SGCD: variants seen among roughly 807,000 people sequenced by gnomAD.
SGCD encodes the protein sarcoglycan delta, also known as delta-sarcoglycan.
SGCD carries 18 observed loss-of-function variants against 36.6 expected under a neutral mutation model. The observed-to-expected ratio is 0.49, with a 90% confidence interval of 0.34 to 0.73. The LOEUF (loss-of-function observed/expected upper bound fraction) is 0.73, where lower values mean the gene tolerates loss of function less well. SGCD is among the 30% of genes least tolerant of loss of function. The pLI is 0.01. For missense variants in SGCD, 387 were observed against 346.7 expected (o/e 1.12, Z -0.92); for synonymous variants, 133 against 130.6 (o/e 1.02, Z -0.12).
chr5:156,496,343 AG>A (rs1182780238), intron 3 of SGCD, among the ~76,000 whole-genome samples: 1 of 152,108 alleles, frequency 6.6e-6, no homozygotes, highest in Non-Finnish European at 1.5e-5. Flanking sequence ...ACATCCCTTA[AG>A]GATGATCTTT....
At chr5:156,123,542 A>G (rs142533216) in intron 2 of SGCD, among the ~76,000 whole-genome samples, 9 of 152,294 alleles carry the variant, frequency 5.9e-5, no homozygotes, top group Non-Finnish European at 8.8e-5. Flanking sequence ...GAACTGTGCC[A>G]CAGACAATGA....
chr5:156,468,333 CCT>C (rs1754800141), intron 3 of SGCD, among the ~76,000 whole-genome samples: 1 of 109,622 alleles, frequency 9.1e-6, no homozygotes, highest in African/African-American at 3.9e-5. Flanking sequence ...AAGAGTGAGA[CCT>C]TGTCTCAAAA....
intron 3 of SGCD, among the ~76,000 whole-genome samples, chr5:156,177,282 G>C (rs899922024): frequency 2.0e-5 from 3 of 152,166 alleles, no homozygotes; most frequent in Non-Finnish European, 4.4e-5. Flanking sequence ...TTACAGGTGT[G>C]AGCCACCGTG....
intron 3 of SGCD, among the ~76,000 whole-genome samples, chr5:156,425,084 C>T (rs1346423609): frequency 6.6e-6 from 1 of 152,048 alleles, no homozygotes; most frequent in Non-Finnish European, 1.5e-5. Flanking sequence ...TCCAACTTCC[C>T]AAACTCCAGC....
chr5:156,409,044 A>G (rs955758734), intron 3 of SGCD, among the ~76,000 whole-genome samples: 1 of 152,236 alleles, frequency 6.6e-6, no homozygotes, highest in Non-Finnish European at 1.5e-5. Flanking sequence ...AAAAATGCTT[A>G]CAAAAATATA....
At chr5:156,632,041 G>A (rs1762656359) in intron 6 of SGCD, among the ~76,000 whole-genome samples, 1 of 152,188 alleles carries the variant, frequency 6.6e-6, no homozygotes, top group African/African-American at 2.4e-5. Flanking sequence ...CAATCACTGA[G>A]AAGTCTAGAT....
At chr5:156,570,518 C>G (rs182839970) in intron 4 of SGCD, among the ~76,000 whole-genome samples, 24 of 152,246 alleles carry the variant, frequency 1.6e-4, no homozygotes, top group Non-Finnish European at 2.8e-4. Flanking sequence ...CATACCTAGT[C>G]ATGATTTATA....
intron 3 of SGCD, among the ~76,000 whole-genome samples, chr5:156,209,844 A>T (rs888719481): frequency 6.6e-6 from 1 of 151,402 alleles, no homozygotes. Context: ...GAAGACCCAC[A>T]CTCTACACCA....
At chr5:156,376,619 T>C (rs999069189) in intron 3 of SGCD, among the ~76,000 whole-genome samples, 1 of 152,206 alleles carries the variant, frequency 6.6e-6, no homozygotes. Context: ...TTTTAGGTGA[T>C]CAGAGTAGAA....
chr5:155,944,423 T>C (rs1006471923), intron 1 of SGCD, among the ~76,000 whole-genome samples: 1 of 152,198 alleles, frequency 6.6e-6, no homozygotes, highest in African/African-American at 2.4e-5. Context: ...CACGTGTTTT[T>C]TTCCTACTCA....
At chr5:156,755,310 G>C (rs542389638) in intron 7 of SGCD, among the ~76,000 whole-genome samples, 37 of 152,302 alleles carry the variant, frequency 2.4e-4, no homozygotes, top group African/African-American at 8.7e-4. Context: ...GGTAAGAGGT[G>C]AGCAGGAAGT....
chr5:156,118,159 A>C (rs1029102611), intron 2 of SGCD, among the ~76,000 whole-genome samples: 3 of 152,092 alleles, frequency 2.0e-5, no homozygotes, highest in Admixed American at 2.0e-4. Flanking sequence ...TCGAGACAGC[A>C]CAGAGGGCCC....
At chr5:155,901,853 G>A (rs1756398020) in intron 1 of SGCD, among the ~76,000 whole-genome samples, 1 of 152,126 alleles carries the variant, frequency 6.6e-6, no homozygotes, top group South Asian at 2.1e-4. Flanking sequence ...ACCTGTAGCT[G>A]ATGGTTTCTC....
intron 1 of SGCD, among the ~76,000 whole-genome samples, chr5:156,073,480 G>A (rs180892002): frequency 1.8e-3 from 276 of 152,306 alleles, no homozygotes; most frequent in Non-Finnish European, 3.1e-3. Flanking sequence ...GGAAGATTGC[G>A]TGAGCCCAGG....
chr5:156,385,137 T>G (rs115276186), intron 3 of SGCD, among the ~76,000 whole-genome samples: 2,225 of 152,274 alleles, frequency 0.015, 58 homozygotes, highest in African/African-American at 0.051. Context: ...GAAAGAGCAA[T>G]AACCCAGGAA....
intron 7 of SGCD, among the ~76,000 whole-genome samples, chr5:156,668,596 G>T (rs1374345953): frequency 1.3e-5 from 2 of 152,178 alleles, no homozygotes; most frequent in East Asian, 1.9e-4. Flanking sequence ...CCTATGTGTT[G>T]TATATTCATC....
At chr5:156,111,871 T>G (rs1205350279) in intron 1 of SGCD, among the ~76,000 whole-genome samples, 2 of 151,764 alleles carry the variant, frequency 1.3e-5, no homozygotes, top group African/African-American at 4.8e-5. Context: ...CTCCGCCTCC[T>G]AGGTTTAAGT....
At chr5:155,955,356 A>G (rs1348038672) in intron 1 of SGCD, among the ~76,000 whole-genome samples, 4 of 152,124 alleles carry the variant, frequency 2.6e-5, no homozygotes, top group African/African-American at 2.4e-5. Context: ...GTGCTAAATA[A>G]ATATTATTAT....
intron 3 of SGCD, among the ~76,000 whole-genome samples, chr5:156,211,704 A>G (rs1483753723): frequency 6.6e-6 from 1 of 152,076 alleles, no homozygotes; most frequent in Non-Finnish European, 1.5e-5. Context: ...AGTATATATC[A>G]AATTCATAAT....
Sources: allele counts gnomAD v4.1 joint callset (sites outside exome capture counted in the v4.1 genomes callset), GRCh38; gene constraint gnomAD v4.1.1; transcripts MANE v1.5; gene names NCBI Gene and HGNC (gene_info 2026-07-23, HGNC 2026-07-21).